The following SLC67A2 variants were observed in gnomAD, a reference collection of about 807,000 sequenced individuals.
SLC67A2 encodes solute carrier family 67 member 2.
At chr2:102,723,775 C>T in the SLC67A2 span, 1 of 1,614,124 alleles carries the variant, frequency 6.2e-7, no homozygotes, top group South Asian at 1.1e-5. Context: ...GTGAGATAGC[C>T]ACCGACCACG....
chr2:102,725,598 A>G, the SLC67A2 span, among the ~76,000 whole-genome samples: 1 of 152,224 alleles, frequency 6.6e-6, no homozygotes, highest in Non-Finnish European at 1.5e-5. Flanking sequence ...TACAATGGCT[A>G]TCACTTGGAT....
the SLC67A2 span, chr2:102,731,956 GA>G: frequency 3.2e-5 from 11 of 347,408 alleles, no homozygotes; most frequent in African/African-American, 2.4e-4. Context: ...GATTTCTGTA[GA>G]TTATGTTTCC....
At chr2:102,720,305 T>C in the SLC67A2 span, among the ~76,000 whole-genome samples, 2 of 152,220 alleles carry the variant, frequency 1.3e-5, no homozygotes, top group South Asian at 2.1e-4. Flanking sequence ...ATGTGGACTT[T>C]TAATAATTCA....
the SLC67A2 span, chr2:102,732,473 T>C: frequency 7.8e-7 from 1 of 1,285,420 alleles, no homozygotes; most frequent in Non-Finnish European, 1.1e-6. Flanking sequence ...ACCTAAAAAT[T>C]TAAACTAATT....
chr2:102,725,009 T>A, the SLC67A2 span, among the ~76,000 whole-genome samples: 1 of 152,238 alleles, frequency 6.6e-6, no homozygotes, highest in Non-Finnish European at 1.5e-5. Context: ...ATTGTATTGA[T>A]GTCAGGTTCA....
At chr2:102,731,468 TGTC>T in the SLC67A2 span, among the ~76,000 whole-genome samples, 2 of 152,286 alleles carry the variant, frequency 1.3e-5, no homozygotes, top group East Asian at 1.9e-4. Context: ...ATCTTAACAT[TGTC>T]TCTTATATTT....
At chr2:102,717,123 C>T in the SLC67A2 span, 1 of 152,176 alleles carries the variant, frequency 6.6e-6, no homozygotes, top group Non-Finnish European at 1.5e-5. Context: ...AGCTCCGCCT[C>T]CCAGGTTCAC....
the SLC67A2 span, among the ~76,000 whole-genome samples, chr2:102,734,833 T>A: frequency 1.3e-5 from 2 of 152,218 alleles, no homozygotes; most frequent in Non-Finnish European, 2.9e-5. Flanking sequence ...TATGATAAAT[T>A]GTGAATATTC....
At chr2:102,718,698 G>A in the SLC67A2 span, 1 of 1,613,890 alleles carries the variant, frequency 6.2e-7, no homozygotes, top group Non-Finnish European at 8.5e-7. Context: ...AAGGACAGGA[G>A]AGTGGAGGAG....
chr2:102,715,017 C>T, the SLC67A2 span, among the ~76,000 whole-genome samples: 6 of 152,146 alleles, frequency 3.9e-5, no homozygotes, highest in Non-Finnish European at 8.8e-5. Context: ...GCTGCACACT[C>T]ATCACCTGGG....
the SLC67A2 span, among the ~76,000 whole-genome samples, chr2:102,728,850 T>C: frequency 6.6e-6 from 1 of 152,156 alleles, no homozygotes; most frequent in Non-Finnish European, 1.5e-5. Flanking sequence ...CTCAACACTT[T>C]CTGTGTGCTT....
the SLC67A2 span, chr2:102,726,710 T>C: frequency 7.5e-7 from 1 of 1,328,238 alleles, no homozygotes; most frequent in South Asian, 1.6e-5. Flanking sequence ...CACGGCTCCC[T>C]TCTGAACACT....
At chr2:102,726,744 G>C in the SLC67A2 span, 117 of 1,472,916 alleles carry the variant, frequency 7.9e-5, no homozygotes, top group Non-Finnish European at 9.9e-5. Flanking sequence ...AGGATGTTGA[G>C]CAAGACCACA....
chr2:102,718,569 C>T, the SLC67A2 span: 1,149 of 1,612,866 alleles, frequency 7.1e-4, 9 homozygotes, highest in African/African-American at 0.013. Context: ...AGGAGAGGGG[C>T]GATGATGCGG....
the SLC67A2 span, chr2:102,716,110 A>G: frequency 2.0e-5 from 3 of 152,210 alleles, no homozygotes; most frequent in African/African-American, 7.2e-5. Context: ...AAAACATCAC[A>G]TAACAAAATA....
chr2:102,719,269 C>A, the SLC67A2 span: 6 of 1,506,366 alleles, frequency 4.0e-6, no homozygotes, highest in Non-Finnish European at 5.4e-6. Context: ...ACACTACCTC[C>A]TTGGGGAAGG....
the SLC67A2 span, chr2:102,726,844 C>A: frequency 6.5e-7 from 1 of 1,550,272 alleles, no homozygotes; most frequent in South Asian, 1.2e-5. Flanking sequence ...AAGTCACTCA[C>A]CTGCCGGGAC....
At chr2:102,731,204 T>A in the SLC67A2 span, 2 of 476,274 alleles carry the variant, frequency 4.2e-6, no homozygotes, top group Non-Finnish European at 7.1e-6. Context: ...ATCTCACATC[T>A]TTTTTTTTTC....
the SLC67A2 span, among the ~76,000 whole-genome samples, chr2:102,734,613 G>A: frequency 1.3e-5 from 2 of 151,776 alleles, no homozygotes; most frequent in Admixed American, 6.6e-5. Context: ...GTAGCTTTAT[G>A]TGACTTTCAT....
Sources: gnomAD v4.1 joint callset for allele counts (sites outside exome capture counted in the v4.1 genomes callset) on GRCh38, gnomAD v4.1.1 for gene constraint, MANE v1.5 for transcripts, NCBI Gene and HGNC (gene_info 2026-07-23, HGNC 2026-07-21) for gene names.